NUP62CL: variants seen among roughly 807,000 people sequenced by gnomAD.
NUP62CL encodes the protein nucleoporin 62 C-terminal like.
In NUP62CL, 13 loss-of-function variants were observed where a neutral mutation model predicts 15.3. That is an observed-to-expected ratio of 0.85 (90% confidence interval 0.55 to 1.35). The LOEUF (loss-of-function observed/expected upper bound fraction) is 1.35, where lower values mean the gene tolerates loss of function less well. Among genes scored for constraint, NUP62CL ranks in the 40% most tolerant of loss-of-function variants. The pLI is 0.00. For synonymous variants in NUP62CL, 54 were observed against 49.2 expected (o/e 1.10, Z -0.41); for missense variants, 123 against 130.6 (o/e 0.94, Z 0.28).
chrX:107,188,954 C>T (rs892800516), intron 2 of NUP62CL, among the ~76,000 whole-genome samples: 1 of 111,539 alleles, frequency 9.0e-6, no homozygotes, highest in African/African-American at 3.3e-5. Flanking sequence ...TACTCAAATC[C>T]TCATGCAAAA....
At chrX:107,162,828 T>A (rs1285138669) in intron 4 of NUP62CL, among the ~76,000 whole-genome samples, 1 of 111,657 alleles carries the variant, frequency 9.0e-6, no homozygotes, top group African/African-American at 3.3e-5. Flanking sequence ...GGGAGGGGCC[T>A]GGGGGAGGAT....
At chrX:107,202,681 T>TAAAAAAAAAAAAAAA (rs765528970) in intron 1 of NUP62CL, 1 of 73,014 alleles carries the variant, frequency 1.4e-5, no homozygotes, top group African/African-American at 5.4e-5. Flanking sequence ...TTGACTGTCT[T>TAAAAAAAAAAAAAAA]AAAAAAAAAA....
intron 5 of NUP62CL, 39 bp downstream of exon 5, chrX:107,154,057 T>C: frequency 9.0e-7 from 1 of 1,108,767 alleles, no homozygotes; most frequent in Non-Finnish European, 1.2e-6. Context: ...CTGCAAATAC[T>C]TGCACAATGT....
chrX:107,173,401 A>T (rs769293611), intron 3 of NUP62CL, among the ~76,000 whole-genome samples: 17 of 112,372 alleles, frequency 1.5e-4, no homozygotes, highest in Non-Finnish European at 1.9e-4. Context: ...TCTGGATTGC[A>T]TACTTAAAGT....
chrX:107,201,663 C>T (rs1015256025), intron 1 of NUP62CL, among the ~76,000 whole-genome samples: 1 of 109,828 alleles, frequency 9.1e-6, no homozygotes, highest in Non-Finnish European at 1.9e-5. Flanking sequence ...CACAGTGGCT[C>T]ACACCTGTAA....
intron 4 of NUP62CL, among the ~76,000 whole-genome samples, chrX:107,165,439 TAGAAAAC>T (rs1233966139): frequency 9.0e-6 from 1 of 111,638 alleles, no homozygotes; most frequent in Non-Finnish European, 1.9e-5. Context: ...CTATTTCTTT[TAGAAAAC>T]AGAAAACAGA....
intron 1 of NUP62CL, among the ~76,000 whole-genome samples, chrX:107,196,081 C>T (rs1348927692): frequency 9.0e-6 from 1 of 110,825 alleles, no homozygotes; most frequent in Non-Finnish European, 1.9e-5. Flanking sequence ...GATTTTTTTT[C>T]CTATGCCCTT....
At chrX:107,155,935 A>G (rs1194078089) in intron 4 of NUP62CL, among the ~76,000 whole-genome samples, 1 of 112,442 alleles carries the variant, frequency 8.9e-6, no homozygotes, top group Non-Finnish European at 1.9e-5. Context: ...ACCGTGCGCA[A>G]GCCAAAGCAG....
chrX:107,180,841 TCTC>T (rs1476881756), intron 2 of NUP62CL, among the ~76,000 whole-genome samples: 3 of 110,370 alleles, frequency 2.7e-5, no homozygotes, highest in African/African-American at 9.9e-5. Context: ...GAAATGCTTA[TCTC>T]CTCAACTCCA....
chrX:107,150,860 T>C lies in NUP62CL; in HGVS notation c.530+2312A>G, dbSNP rs1486229846. 5 of 341,992 alleles carry C rather than the reference T, an allele frequency of 1.5e-5. No individual in the cohort carries two copies. In the Admixed American group the frequency reaches 1.5e-4, roughly 11 times the overall value. 28.2% of individuals were successfully genotyped at this position (341,992 alleles called of 1,213,427 possible). A position where few individuals can be genotyped will look rare whatever the true frequency, so the allele number is the denominator to read the frequency against. Reference sequence around the variant, plus strand: ...TACACAAAGCAGTAAACACACCGGATCAGTAGTGTCAGAAGAACTTTCAAA... The same window carrying C: ...TACACAAAGCAGTAAACACACCGGACCAGTAGTGTCAGAAGAACTTTCAAA... On this transcript the variant is annotated intron_variant, in intron 7 of 8. Transcript: ENST00000372466.
chrX:107,201,814 TGTG>T (rs1284043909), intron 1 of NUP62CL, among the ~76,000 whole-genome samples: 1 of 110,072 alleles, frequency 9.1e-6, no homozygotes, highest in Non-Finnish European at 1.9e-5. Context: ...CCTGTAGACC[TGTG>T]GTCCCACCTA....
chrX:107,166,257 A>G (rs1926513985), intron 4 of NUP62CL, among the ~76,000 whole-genome samples: 1 of 112,270 alleles, frequency 8.9e-6, no homozygotes, highest in African/African-American at 3.2e-5. Flanking sequence ...AAAGATATGA[A>G]CAGACATTTC....
At chrX:107,149,540 GC>G (rs1925961370) in intron 7 of NUP62CL, among the ~76,000 whole-genome samples, 1 of 82,472 alleles carries the variant, frequency 1.2e-5, no homozygotes, top group Admixed American at 1.2e-4. Context: ...TTGACATTTT[GC>G]AAAAAGAAGG....
Position 107,150,622 on chromosome X carries a change from A to G in NUP62CL, c.530+2550T>C, listed in dbSNP as rs180847455. Among the ~76,000 whole-genome samples the G allele has an allele frequency of 5.4e-4, 61 of 112,352 alleles. No homozygotes were observed. The Middle Eastern group carries it at 0.023, about 42-fold the overall frequency. ...AAGTGATCCTCTCACCTCAGCCTCC[A>G]GAGTAGGTAGGACTATAGGTATGTA... On this transcript the variant is annotated intron_variant, in intron 7 of 8. Coordinates refer to ENST00000372466, the MANE Select transcript of NUP62CL (RefSeq NM_017681.3).
intron 2 of NUP62CL, among the ~76,000 whole-genome samples, chrX:107,178,522 T>C (rs1297548943): frequency 8.9e-6 from 1 of 112,532 alleles, no homozygotes; most frequent in Admixed American, 9.4e-5. Flanking sequence ...TAAATGTTTC[T>C]GCTGAATTGA....
At position 107,155,597 on chromosome X, in the gene NUP62CL, G is replaced by C. The variant is rs765044015; in HGVS notation, c.195-1351C>G. Among the ~76,000 whole-genome samples the C allele has an allele frequency of 2.7e-4, 30 of 112,106 alleles. 1 individual carries two copies. In the South Asian group the frequency reaches 0.011, roughly 43 times the overall value. Reference sequence around the variant, plus strand: ...TGGTAAGTGCTCCACTTTTGCTGGAGTGGTGTGGGTAAGGTCCAGTGGGAA... The same window carrying C: ...TGGTAAGTGCTCCACTTTTGCTGGACTGGTGTGGGTAAGGTCCAGTGGGAA... On this transcript the variant is annotated intron_variant, in intron 4 of 8. Transcript: ENST00000372466.
chrX:107,145,985 G>T (rs1602640462), intron 8 of NUP62CL, among the ~76,000 whole-genome samples: 1 of 111,430 alleles, frequency 9.0e-6, no homozygotes, highest in African/African-American at 3.3e-5. Context: ...CTCACATGTG[G>T]AATATCTGAT....
chrX:107,131,636 A>C, intron 8 of NUP62CL: 2 of 530,133 alleles, frequency 3.8e-6, no homozygotes, highest in Non-Finnish European at 6.6e-6. Context: ...CCGCGGGACC[A>C]AGGCCGCGGC....
intron 8 of NUP62CL, among the ~76,000 whole-genome samples, chrX:107,134,915 G>A (rs185249369): frequency 0.011 from 1,185 of 111,172 alleles, 8 homozygotes; most frequent in Middle Eastern, 0.032. Flanking sequence ...CACTCTTGTT[G>A]CCCAGGCTGG....
Sources: allele counts gnomAD v4.1 joint callset (sites outside exome capture counted in the v4.1 genomes callset), GRCh38; gene constraint gnomAD v4.1.1; transcripts MANE v1.5; gene names NCBI Gene and HGNC (gene_info 2026-07-23, HGNC 2026-07-21).